OPHN1: variants seen among roughly 807,000 people sequenced by gnomAD.
OPHN1 encodes the protein oligophrenin 1, also known as oligophrenin-1.
In OPHN1, 11 loss-of-function variants were observed where a neutral mutation model predicts 60.7. The ratio of observed to expected loss-of-function variants is 0.18; its 90% CI spans 0.11 to 0.30. The LOEUF (loss-of-function observed/expected upper bound fraction) is 0.30. OPHN1 is among the 10% of genes least tolerant of loss of function. The pLI, the probability that OPHN1 is intolerant of heterozygous loss-of-function variation, is 1.00. For missense variants in OPHN1, 449 were observed against 611.0 expected (o/e 0.73, Z 2.80); for synonymous variants, 226 against 222.6 (o/e 1.02, Z -0.14).
chrX:68,072,117 ATTAC>A (rs1168902967), intron 20 of OPHN1, among the ~76,000 whole-genome samples: 3 of 112,053 alleles, frequency 2.7e-5, no homozygotes, highest in Admixed American at 1.9e-4. Flanking sequence ...GCTGCTGCCA[ATTAC>A]TTAGATGGAG....
At chrX:68,158,044 G>A (rs1204076005) in intron 15 of OPHN1, among the ~76,000 whole-genome samples, 1 of 111,870 alleles carries the variant, frequency 8.9e-6, no homozygotes, top group African/African-American at 3.2e-5. Flanking sequence ...CACCTCCCGG[G>A]TTCACGCCAT....
chrX:68,077,843 C>T (rs1344488845), intron 19 of OPHN1, among the ~76,000 whole-genome samples: 1 of 111,498 alleles, frequency 9.0e-6, no homozygotes, highest in Non-Finnish European at 1.9e-5. Flanking sequence ...AACAAGGACA[C>T]CCTCTAAAAT....
Position 68,401,772 on chromosome X carries a change from T to C in OPHN1, c.154+31095A>G, listed in dbSNP as rs144721661. On this transcript the variant is annotated intron_variant, in intron 2 of 24. Coordinates refer to ENST00000355520, the MANE Select transcript of OPHN1 (RefSeq NM_002547.3). ...TTCAATAAACAGAGATGTATGGGGG[T>C]AAGAGCATTCCAGGAAAAAAGAATG... Among the ~76,000 whole-genome samples the C allele has an allele frequency of 2.6e-4, 29 of 110,986 alleles. 1 individual carries two copies. In the East Asian group the frequency reaches 7.7e-3, roughly 29 times the overall value.
At chrX:68,386,982 C>A (rs779930467) in intron 2 of OPHN1, among the ~76,000 whole-genome samples, 6 of 111,538 alleles carry the variant, frequency 5.4e-5, no homozygotes, top group African/African-American at 2.0e-4. Context: ...CCTAGGTAAA[C>A]TGTAGCGACT....
chrX:68,217,313 G>A (rs1298093398), intron 6 of OPHN1, among the ~76,000 whole-genome samples: 2 of 111,983 alleles, frequency 1.8e-5, no homozygotes, highest in Non-Finnish European at 3.8e-5. Context: ...TAGCACAGCA[G>A]TCTGAGATCA....
At chrX:68,265,391 C>A (rs1160818777) in intron 5 of OPHN1, among the ~76,000 whole-genome samples, 1 of 111,913 alleles carries the variant, frequency 8.9e-6, no homozygotes, top group Admixed American at 9.5e-5. Flanking sequence ...TGTTCTGCAA[C>A]CTCTGCTGCC....
At chrX:68,389,094 A>G (rs976329134) in intron 2 of OPHN1, among the ~76,000 whole-genome samples, 1 of 102,842 alleles carries the variant, frequency 9.7e-6, no homozygotes, top group African/African-American at 3.4e-5. Flanking sequence ...TGCTGGGACT[A>G]TAAGCACACA....
At chrX:68,283,226 G>C (rs1406795404) in intron 3 of OPHN1, 109 bp from the exon 4 acceptor site, 8 of 577,816 alleles carry the variant, frequency 1.4e-5, no homozygotes, top group Admixed American at 2.6e-5. Flanking sequence ...TGCCCACATG[G>C]CCACTAGAGG....
intron 15 of OPHN1, among the ~76,000 whole-genome samples, chrX:68,170,333 G>T (rs2077383587): frequency 9.5e-6 from 1 of 105,600 alleles, no homozygotes. Flanking sequence ...CACTGTTGGT[G>T]GGACTGTAAA....
chrX:68,321,576 G>GT lies in OPHN1; in HGVS notation c.155-22481dup, dbSNP rs752538704. 2.6e-3 allele frequency among the ~76,000 whole-genome samples: 290 copies of GT among 111,678 alleles called. 2 individuals are homozygous for GT. The highest frequency in any genetic ancestry group is 9.0e-3 in the African/African-American group (276 of 30,772). On this transcript the variant is annotated intron_variant, in intron 2 of 24. Transcript: ENST00000355520. ...GACAGGAATGGAAAACCCAAATGTC[G>GT]TATGTTCTCACTTACAAGTGGGAGC...
intron 3 of OPHN1, among the ~76,000 whole-genome samples, chrX:68,291,789 T>G (rs1449057668): frequency 1.8e-5 from 2 of 111,091 alleles, no homozygotes; most frequent in Non-Finnish European, 3.8e-5. Context: ...GGTGACTCCC[T>G]TGTTTACCTG....
At chrX:68,049,983 T>A (rs190163929) in intron 23 of OPHN1, among the ~76,000 whole-genome samples, 24 of 112,343 alleles carry the variant, frequency 2.1e-4, no homozygotes. Flanking sequence ...ATTCAAACGC[T>A]AGGCCGTAGT....
intron 3 of OPHN1, among the ~76,000 whole-genome samples, chrX:68,294,747 T>C (rs1010611426): frequency 1.8e-5 from 2 of 111,546 alleles, no homozygotes; most frequent in Non-Finnish European, 3.8e-5. Flanking sequence ...ATCACATCCC[T>C]ACCTCTGGAT....
In OPHN1 at chrX:68,379,107, A is replaced by C. The variant is rs1358804425; in HGVS notation, c.154+53760T>G. 1.6e-3 allele frequency among the ~76,000 whole-genome samples: 182 copies of C among 110,730 alleles called. 2 individuals carry two copies. The highest frequency in any genetic ancestry group is 4.1e-3 in the Admixed American group (42 of 10,307). On this transcript the variant is annotated intron_variant, in intron 2 of 24. Transcript: ENST00000355520. Reference sequence around the variant, plus strand: ...ATTTCTTTGTATCCTCTTTGATTTCATTGAGCAGTGGTTTGTAGTTCTCCT... The same window carrying C: ...ATTTCTTTGTATCCTCTTTGATTTCCTTGAGCAGTGGTTTGTAGTTCTCCT...
At chrX:68,370,430 C>T (rs1005046114) in intron 2 of OPHN1, among the ~76,000 whole-genome samples, 2 of 107,538 alleles carry the variant, frequency 1.9e-5, no homozygotes, top group South Asian at 8.3e-4. Context: ...TTGCTTGAAC[C>T]GGGGAGGTGG....
chrX:68,238,723 C>T (rs913834081), intron 5 of OPHN1, among the ~76,000 whole-genome samples: 1 of 111,314 alleles, frequency 9.0e-6, no homozygotes, highest in African/African-American at 3.3e-5. Flanking sequence ...TGAGACTGGG[C>T]TGTGGCTCGC....
chrX:68,054,889 C>T (rs2076866787), intron 21 of OPHN1, among the ~76,000 whole-genome samples: 1 of 111,798 alleles, frequency 8.9e-6, no homozygotes, highest in African/African-American at 3.3e-5. Context: ...TTTTTTTCTA[C>T]AAAAATATTT....
At chrX:68,337,878 T>TTATAAAC (rs1315754424) in intron 2 of OPHN1, among the ~76,000 whole-genome samples, 2 of 108,449 alleles carry the variant, frequency 1.8e-5, no homozygotes, top group African/African-American at 6.7e-5. Flanking sequence ...GATATAACAA[T>TTATAAAC]TATAAACATG....
chrX:68,336,134 A>T (rs1602336073), intron 2 of OPHN1, among the ~76,000 whole-genome samples: 1 of 110,645 alleles, frequency 9.0e-6, no homozygotes, highest in East Asian at 2.8e-4. Context: ...TCACATAAAA[A>T]ACTGAGATCT....
Sources: gnomAD v4.1 joint callset for allele counts (sites outside exome capture counted in the v4.1 genomes callset) on GRCh38, gnomAD v4.1.1 for gene constraint, MANE v1.5 for transcripts, NCBI Gene and HGNC (gene_info 2026-07-23, HGNC 2026-07-21) for gene names.